CSRNP3: variants seen among roughly 807,000 people sequenced by gnomAD.
CSRNP3 encodes the protein cysteine/serine-rich nuclear protein 3.
Under a neutral mutation model 48.0 loss-of-function variants are expected in CSRNP3, and 12 were observed. The observed-to-expected ratio is 0.25, with a 90% confidence interval of 0.16 to 0.41. CSRNP3 has a LOEUF of 0.41. Among genes scored for constraint, CSRNP3 ranks in the 10% least tolerant of loss-of-function variants. The pLI, the probability that CSRNP3 is intolerant of heterozygous loss-of-function variation, is 1.00. For missense variants in CSRNP3, 580 were observed against 724.4 expected (o/e 0.80, Z 2.29); for synonymous variants, 263 against 269.7 (o/e 0.98, Z 0.24).
At chr2:165,595,604 A>G (rs2105295813) in intron 4 of CSRNP3, among the ~76,000 whole-genome samples, 1 of 152,286 alleles carries the variant, frequency 6.6e-6, no homozygotes, top group East Asian at 1.9e-4. Context: ...TTATTAAGGA[A>G]TGGAGAGTCT....
At chr2:165,666,510 G>A (rs749958368) in intron 5 of CSRNP3, among the ~76,000 whole-genome samples, 1 of 45,506 alleles carries the variant, frequency 2.2e-5, no homozygotes, top group African/African-American at 5.7e-5. Flanking sequence ...AAGAGAGAGA[G>A]GAAGAAAGAA....
intron 3 of CSRNP3, among the ~76,000 whole-genome samples, chr2:165,555,082 G>A (rs1685144609): frequency 6.6e-6 from 1 of 151,966 alleles, no homozygotes; most frequent in Non-Finnish European, 1.5e-5. Flanking sequence ...ACCTCCTTCA[G>A]GTCTTTGTTC....
In CSRNP3 at chr2:165,659,004, G is replaced by A. The variant is rs979402078; in HGVS notation, c.408+984G>A. Among the ~76,000 whole-genome samples, 6 of 152,178 alleles carry A rather than the reference G, an allele frequency of 3.9e-5. No homozygotes were observed. In the South Asian group the frequency reaches 6.2e-4, roughly 16 times the overall value. The stretch of plus-strand genomic sequence containing the variant: ...GCAGAGGCAAGAAGAATGAAGTAAC[G>A]TGAAGGAGGCAGGAATGAGGCTTTG... On this transcript the variant is annotated intron_variant, in intron 5 of 6. Transcript: ENST00000651982.
At chr2:165,510,006 G>T (rs892803220) in intron 2 of CSRNP3, among the ~76,000 whole-genome samples, 1 of 152,050 alleles carries the variant, frequency 6.6e-6, no homozygotes, top group African/African-American at 2.4e-5. Context: ...TTAGACTTCG[G>T]GTAAGGGTTT....
chr2:165,568,260 C>T (rs1379764949), intron 3 of CSRNP3, among the ~76,000 whole-genome samples: 4 of 152,056 alleles, frequency 2.6e-5, no homozygotes, highest in Non-Finnish European at 5.9e-5. Flanking sequence ...TTTGCCCATA[C>T]CTCTTATCTT....
At chr2:165,519,218 A>G (rs932660265) in intron 3 of CSRNP3, among the ~76,000 whole-genome samples, 3 of 152,146 alleles carry the variant, frequency 2.0e-5, no homozygotes, top group South Asian at 4.1e-4. Context: ...ATTTAATGTC[A>G]TAGAATATAG....
chr2:165,645,908 G>T (rs13011474), intron 4 of CSRNP3, among the ~76,000 whole-genome samples: 16,077 of 143,726 alleles, frequency 0.11, 1,235 homozygotes, highest in African/African-American at 0.25. Context: ...TGTTTTTTTT[G>T]TTTTGTTTTG....
chr2:165,573,250 A>G (rs1685399589), intron 3 of CSRNP3, among the ~76,000 whole-genome samples: 1 of 152,094 alleles, frequency 6.6e-6, no homozygotes, highest in South Asian at 2.1e-4. Flanking sequence ...AATATTATTC[A>G]TTGATATTTA....
intron 2 of CSRNP3, among the ~76,000 whole-genome samples, chr2:165,502,734 C>T (rs755908354): frequency 3.6e-4 from 54 of 151,732 alleles, no homozygotes; most frequent in East Asian, 5.8e-4. Flanking sequence ...CACCTGCCAC[C>T]GGCTCCCTCT....
chr2:165,630,769 A>G (rs1407429216), intron 4 of CSRNP3, among the ~76,000 whole-genome samples: 1 of 152,208 alleles, frequency 6.6e-6, no homozygotes, highest in East Asian at 1.9e-4. Flanking sequence ...AAATTATTGT[A>G]TTTCTCATGT....
intron 1 of CSRNP3, among the ~76,000 whole-genome samples, chr2:165,481,753 G>A (rs1439042854): frequency 6.6e-6 from 1 of 152,162 alleles, no homozygotes; most frequent in Non-Finnish European, 1.5e-5. Flanking sequence ...ATGGAAATTA[G>A]AACACCTACA....
intron 3 of CSRNP3, among the ~76,000 whole-genome samples, chr2:165,531,438 A>G (rs1267386932): frequency 6.6e-6 from 1 of 152,090 alleles, no homozygotes; most frequent in Non-Finnish European, 1.5e-5. Context: ...TGGCTGGTAA[A>G]TTTTCAAGTA....
At chr2:165,491,194 A>C (rs2105457387) in intron 1 of CSRNP3, among the ~76,000 whole-genome samples, 1 of 60,748 alleles carries the variant, frequency 1.6e-5, no homozygotes, top group Non-Finnish European at 3.2e-5. Context: ...AAAACACATG[A>C]AAAAATGCTC....
intron 3 of CSRNP3, 124 bp from the exon 4 acceptor site, chr2:165,594,919 T>C: frequency 1.5e-6 from 1 of 679,438 alleles, no homozygotes; most frequent in Non-Finnish European, 2.3e-6. Flanking sequence ...CTAAAGATCC[T>C]TTCAAGGGAA....
intron 2 of CSRNP3, among the ~76,000 whole-genome samples, chr2:165,495,509 A>T (rs573855725): frequency 3.9e-5 from 6 of 152,180 alleles, no homozygotes; most frequent in African/African-American, 1.4e-4. Flanking sequence ...CATCTAGCTT[A>T]GTATGATATG....
chr2:165,617,189 T>G (rs912814015), intron 4 of CSRNP3, among the ~76,000 whole-genome samples: 7 of 152,174 alleles, frequency 4.6e-5, no homozygotes, highest in African/African-American at 1.7e-4. Context: ...TGCTGGAGAA[T>G]TACGGTTTTC....
chr2:165,641,080 G>A (rs1013209383), intron 4 of CSRNP3, among the ~76,000 whole-genome samples: 2 of 152,106 alleles, frequency 1.3e-5, no homozygotes, highest in East Asian at 3.8e-4. Flanking sequence ...CAAACTTGTG[G>A]TCACACACCA....
chr2:165,491,944 G>C (rs945287617), intron 1 of CSRNP3, among the ~76,000 whole-genome samples: 7 of 106,122 alleles, frequency 6.6e-5, no homozygotes, highest in African/African-American at 2.2e-4. Context: ...AAAACTTAAA[G>C]TATAATAAAA....
At chr2:165,654,224 G>A (rs1244433274) in intron 4 of CSRNP3, among the ~76,000 whole-genome samples, 2 of 152,112 alleles carry the variant, frequency 1.3e-5, no homozygotes, top group Non-Finnish European at 2.9e-5. Flanking sequence ...CAGATTACTG[G>A]GCAGATTGTT....
Sources: gnomAD v4.1 joint callset for allele counts (sites outside exome capture counted in the v4.1 genomes callset) on GRCh38, gnomAD v4.1.1 for gene constraint, MANE v1.5 for transcripts, NCBI Gene and HGNC (gene_info 2026-07-23, HGNC 2026-07-21) for gene names.